ABCB10: variants seen among roughly 807,000 people sequenced by gnomAD.
ABCB10 encodes ATP binding cassette subfamily B member 10.
In ABCB10, 54 loss-of-function variants were observed where a neutral mutation model predicts 65.4. The observed-to-expected ratio is 0.83, with a 90% CI of 0.66 to 1.04. The LOEUF (loss-of-function observed/expected upper bound fraction) is 1.04, where lower values mean the gene tolerates loss of function less well. Among genes scored for constraint, ABCB10 ranks in the 50% least tolerant of loss-of-function variants. The pLI is 0.00. For missense variants in ABCB10, 846 were observed against 976.6 expected (o/e 0.87, Z 1.78); for synonymous variants, 418 against 406.5 (o/e 1.03, Z -0.34).
intron 10 of ABCB10, among the ~76,000 whole-genome samples, chr1:229,523,612 A>T (rs1307796378): frequency 6.6e-6 from 1 of 152,098 alleles, no homozygotes; most frequent in East Asian, 1.9e-4. Flanking sequence ...CTGATGGCTT[A>T]GGTCCCCTCT....
chr1:229,523,559 G>A (rs1662364752), intron 10 of ABCB10, among the ~76,000 whole-genome samples: 1 of 152,156 alleles, frequency 6.6e-6, no homozygotes, highest in Non-Finnish European at 1.5e-5. Flanking sequence ...TCTGATTGGT[G>A]AGGCTGTCTG....
rs1228426608 is a variant in ABCB10 at position 229,521,620 on chromosome 1, C to T, written c.1922G>A (p.Arg641Gln). 7 of 1,612,802 alleles carry T rather than the reference C, an allele frequency of 4.3e-6. No individual in the cohort carries two copies. The highest frequency in any genetic ancestry group is 1.7e-4 in the Middle Eastern group (1 of 5,834). Reference sequence around the variant, plus strand: ...TAGCAGAGCACGGGCAATCGCAATCCGCTGTTTCTGCCCACCTGACAAAGA... The same window carrying T: ...TAGCAGAGCACGGGCAATCGCAATCTGCTGTTTCTGCCCACCTGACAAAGA... ...GVLLSGGQKQ[R>Q]IAIARALLKN... Residue 641 changes from arginine (R) to glutamine (Q), a missense_variant, in exon 11 of 13, where the codon CGG becomes CAG. Physicochemically the swap from Arg to Gln is conservative, Grantham distance 43. Transcript: ENST00000344517.
At chr1:229,549,664 A>C (rs1663058631) in intron 1 of ABCB10, among the ~76,000 whole-genome samples, 2 of 152,216 alleles carry the variant, frequency 1.3e-5, no homozygotes, top group Non-Finnish European at 2.9e-5. Context: ...TATCTGAATC[A>C]GAGAAGATGA....
At chr1:229,518,997 T>G (rs930454343) in intron 11 of ABCB10, 122 bp from the exon 12 acceptor site, 1 of 747,332 alleles carries the variant, frequency 1.3e-6, no homozygotes, top group African/African-American at 1.8e-5. Context: ...TGGAAACTTA[T>G]GCTAAGTGAA....
intron 6 of ABCB10, among the ~76,000 whole-genome samples, chr1:229,537,664 C>T (rs564876322): frequency 1.3e-5 from 2 of 152,236 alleles, no homozygotes; most frequent in African/African-American, 4.8e-5. Flanking sequence ...GCAGCACGTG[C>T]CTGTAGTCCC....
chr1:229,551,359 G>A (rs1304179479), intron 1 of ABCB10, among the ~76,000 whole-genome samples: 1 of 152,128 alleles, frequency 6.6e-6, no homozygotes, highest in African/African-American at 2.4e-5. Flanking sequence ...CATTCTAAAT[G>A]TTTCACTTGT....
rs1258357800 is a variant in ABCB10 at position 229,540,765 on chromosome 1, TA to T, written c.1057-14del. 6.2e-7 allele frequency: 1 copy of T among 1,609,290 alleles called. No homozygotes were observed. The highest frequency in any genetic ancestry group is 8.5e-7 in the Non-Finnish European group (1 of 1,178,674). On this transcript the variant is annotated splice_polypyrimidine_tract_variant and intron_variant, in intron 4 of 12. Coordinates refer to ENST00000344517, the MANE Select transcript of ABCB10 (RefSeq NM_012089.3). ...GTTCCTCAGCTAGCTGGGAGAATAATAAATACATTTCAGGAGGAGAAGGGTC... is the reference window on the plus strand; with the variant it reads ...GTTCCTCAGCTAGCTGGGAGAATAATAATACATTTCAGGAGGAGAAGGGTC...
intron 1 of ABCB10, among the ~76,000 whole-genome samples, chr1:229,552,733 A>G (rs979897661): frequency 9.2e-5 from 14 of 152,164 alleles, no homozygotes; most frequent in African/African-American, 3.4e-4. Context: ...AGTCCTCACC[A>G]TTATCTGAAG....
chr1:229,520,109 T>C (rs1662268515), intron 11 of ABCB10, among the ~76,000 whole-genome samples: 1 of 152,066 alleles, frequency 6.6e-6, no homozygotes, highest in African/African-American at 2.4e-5. Flanking sequence ...CACTCCAGCC[T>C]GGGTGACAGA....
chr1:229,556,294 C>T (rs1663245705), intron 1 of ABCB10, among the ~76,000 whole-genome samples: 1 of 151,958 alleles, frequency 6.6e-6, no homozygotes, highest in African/African-American at 2.4e-5. Context: ...ATCGCTTGAA[C>T]CCGGGAGGCG....
At position 229,530,331 on chromosome 1, in the gene ABCB10, G is replaced by C; in HGVS notation, c.1513C>G (p.Pro505Ala). The C allele has an allele frequency of 1.9e-6, 3 of 1,614,172 alleles. No homozygotes were observed. The South Asian group carries it at 3.3e-5, about 18-fold the overall frequency. ...AAATCCTGAAATATGGGCACCTCTG[G>C]GCGAGCTGGATAGGCAAAATGCACG... ...KNVHFAYPARPEVPIFQDFSL... is the reference protein window; with the variant it reads ...KNVHFAYPARAEVPIFQDFSL... Residue 505 changes from proline to alanine, a missense_variant, in exon 8 of 13, where the codon CCA (proline) becomes GCA (alanine). Transcript: ENST00000344517.
chr1:229,534,406 A>G (rs1220481744), intron 6 of ABCB10, among the ~76,000 whole-genome samples: 2 of 152,160 alleles, frequency 1.3e-5, no homozygotes, highest in African/African-American at 4.8e-5. Context: ...AAAAAAATTC[A>G]TTCGGTCACC....
intron 5 of ABCB10, among the ~76,000 whole-genome samples, chr1:229,540,161 T>C (rs759351305): frequency 4.6e-5 from 7 of 152,260 alleles, no homozygotes; most frequent in Non-Finnish European, 1.0e-4. Flanking sequence ...AGTGTCCTAT[T>C]TGAGTGCATT....
intron 1 of ABCB10, 42 bp downstream of exon 1, chr1:229,558,094 A>G: frequency 7.6e-7 from 1 of 1,311,734 alleles, no homozygotes; most frequent in Non-Finnish European, 9.7e-7. Flanking sequence ...CGTGTGGAGA[A>G]GGAGAGGCCC....
intron 1 of ABCB10, among the ~76,000 whole-genome samples, chr1:229,553,453 G>A (rs1049737757): frequency 1.1e-4 from 16 of 152,146 alleles, no homozygotes; most frequent in African/African-American, 3.9e-4. Context: ...CAGAGCGAAA[G>A]GAGCAGCGGA....
rs916559397 is a variant in ABCB10, at chr1:229,521,483, A to AC, written c.1950+108_1950+109insG. On this transcript the variant is annotated intron_variant, in intron 11 of 12. Transcript: ENST00000344517. ...ACCCTCCCACTCCAAGAAAAAAAAAAAAACAAAAAACAGGAAAAGGAAGAA... is the reference window on the plus strand; with the variant it reads ...ACCCTCCCACTCCAAGAAAAAAAAAACAAACAAAAAACAGGAAAAGGAAGAA... 3.2e-4 allele frequency: 444 copies of AC among 1,369,498 alleles called. 1 individual carries two copies. The highest frequency in any genetic ancestry group is 5.4e-4 in the Middle Eastern group (2 of 3,734). 84.8% of individuals were successfully genotyped at this position (1,369,498 alleles called of 1,614,324 possible). A position where few individuals can be genotyped will look rare whatever the true frequency, so the allele number is the denominator to read the frequency against.
At chr1:229,530,489 G>T in intron 7 of ABCB10, 81 bp from the exon 8 acceptor site, 2 of 1,430,672 alleles carry the variant, frequency 1.4e-6, no homozygotes, top group Non-Finnish European at 1.9e-6. Context: ...TACTCATCTG[G>T]CTATGGATGG....
chr1:229,519,973 T>C (rs12138965), intron 11 of ABCB10, among the ~76,000 whole-genome samples: 28,650 of 150,908 alleles, frequency 0.19, 2,922 homozygotes, highest in Middle Eastern at 0.28. Flanking sequence ...CAAAAAAATT[T>C]TTTTTTAAAT....
At chr1:229,554,904 C>T (rs1663209368) in intron 1 of ABCB10, among the ~76,000 whole-genome samples, 2 of 152,198 alleles carry the variant, frequency 1.3e-5, no homozygotes, top group Non-Finnish European at 2.9e-5. Context: ...TGGTCACTCA[C>T]GGCCCATCTT....
Sources: gnomAD v4.1 joint callset for allele counts (sites outside exome capture counted in the v4.1 genomes callset) on GRCh38, gnomAD v4.1.1 for gene constraint, MANE v1.5 for transcripts, NCBI Gene and HGNC (gene_info 2026-07-23, HGNC 2026-07-21) for gene names.